TMEM74: variants seen among roughly 807,000 people sequenced by gnomAD.
TMEM74 encodes transmembrane protein 74.
TMEM74 carries 13 observed loss-of-function variants against 18.1 expected under a neutral mutation model. The ratio of observed to expected loss-of-function variants is 0.72; its 90% CI spans 0.47 to 1.14. TMEM74 has a LOEUF of 1.14. Ranked by LOEUF, TMEM74 falls within the 50% of genes most tolerant of loss-of-function variation. The pLI is 0.00. For missense variants in TMEM74, 372 were observed against 375.9 expected (o/e 0.99, Z 0.09); for synonymous variants, 159 against 146.6 (o/e 1.08, Z -0.61).
intron 1 of TMEM74, among the ~76,000 whole-genome samples, chr8:108,744,201 T>TCAGATC (rs1333569658): frequency 6.6e-6 from 1 of 152,158 alleles, no homozygotes; most frequent in Non-Finnish European, 1.5e-5. Context: ...CACTTCAGAT[T>TCAGATC]CAGATCGAGT....
chr8:108,725,055 TTC>T (rs1287778626), intron 1 of TMEM74, among the ~76,000 whole-genome samples: 3 of 152,176 alleles, frequency 2.0e-5, no homozygotes, highest in Non-Finnish European at 4.4e-5. Context: ...CTCTCCTTTC[TTC>T]TCTTAGTTCA....
chr8:108,732,831 T>C (rs1452296243), intron 1 of TMEM74, among the ~76,000 whole-genome samples: 2 of 151,296 alleles, frequency 1.3e-5, no homozygotes, highest in Admixed American at 1.3e-4. Flanking sequence ...CTAGAATACA[T>C]AAGAAGGAAT....
At chr8:108,666,851 T>G (rs1812954002) in intron 1 of TMEM74, among the ~76,000 whole-genome samples, 1 of 152,142 alleles carries the variant, frequency 6.6e-6, no homozygotes, top group Non-Finnish European at 1.5e-5. Flanking sequence ...GCATTATAAA[T>G]AATTCAGCCC....
chr8:108,737,745 T>A (rs1435463935), intron 1 of TMEM74, among the ~76,000 whole-genome samples: 1 of 152,082 alleles, frequency 6.6e-6, no homozygotes, highest in African/African-American at 2.4e-5. Flanking sequence ...AAAAATTCAG[T>A]AGAGGAGGAA....
At chr8:108,679,056 G>A (rs1436357109) in intron 1 of TMEM74, among the ~76,000 whole-genome samples, 2 of 151,990 alleles carry the variant, frequency 1.3e-5, no homozygotes, top group Non-Finnish European at 2.9e-5. Flanking sequence ...TTTCATCCAT[G>A]TCCCTACAAA....
chr8:108,733,370 G>A (rs1222140544), intron 1 of TMEM74, among the ~76,000 whole-genome samples: 1 of 152,134 alleles, frequency 6.6e-6, no homozygotes, highest in Non-Finnish European at 1.5e-5. Context: ...AAAACACGAT[G>A]TTGAGTAAGA....
intron 2 of TMEM74, among the ~76,000 whole-genome samples, chr8:108,625,781 G>A (rs183520574): frequency 6.6e-6 from 1 of 151,928 alleles, no homozygotes; most frequent in East Asian, 1.9e-4. Flanking sequence ...TAACCTGCAA[G>A]CAAGCTTAAT....
rs1004380482 is a variant in TMEM74 at position 108,784,070 on chromosome 8, G to A, written c.*111C>T. On this transcript the variant is annotated 3_prime_UTR_variant, in exon 2 of 2. Coordinates refer to ENST00000297459, the MANE Select transcript of TMEM74 (RefSeq NM_153015.3). ...AAACACTTACTGGCTGTTGGTTTGT[G>A]AAATAAACTTTTCTTGCCAGGCAAA... The A allele has an allele frequency of 1.0e-6, 1 of 969,694 alleles. No individual in the cohort carries two copies. The highest frequency in any genetic ancestry group is 1.5e-6 in the Non-Finnish European group (1 of 665,888). The allele number at this position is 969,694 out of a possible 1,614,324, so 60.1% of individuals were successfully genotyped here.
intron 1 of TMEM74, among the ~76,000 whole-genome samples, chr8:108,691,318 G>A (rs1390843453): frequency 1.3e-5 from 2 of 152,164 alleles, no homozygotes; most frequent in Non-Finnish European, 2.9e-5. Flanking sequence ...CACCTAAACC[G>A]GGAGCTTGTG....
At chr8:108,723,889 T>C (rs1200918540) in intron 1 of TMEM74, among the ~76,000 whole-genome samples, 1 of 152,228 alleles carries the variant, frequency 6.6e-6, no homozygotes, top group Non-Finnish European at 1.5e-5. Context: ...CAATTATAGA[T>C]GAACTGTTTT....
intron 1 of TMEM74, among the ~76,000 whole-genome samples, chr8:108,770,152 C>A (rs977370468): frequency 2.6e-5 from 4 of 152,028 alleles, no homozygotes; most frequent in Non-Finnish European, 5.9e-5. Context: ...TCATGGACAG[C>A]CTTTGTGAAT....
intron 1 of TMEM74, among the ~76,000 whole-genome samples, chr8:108,703,246 A>C (rs1813354749): frequency 6.6e-6 from 1 of 152,166 alleles, no homozygotes; most frequent in Admixed American, 6.5e-5. Context: ...CCAAATTATC[A>C]TCTTCACTAC....
chr8:108,644,248 G>A (rs1423703036), intron 2 of TMEM74, among the ~76,000 whole-genome samples: 2 of 152,072 alleles, frequency 1.3e-5, no homozygotes, highest in Non-Finnish European at 2.9e-5. Flanking sequence ...AACAAGCAAT[G>A]GGAAAATGAT....
Position 108,784,479 on chromosome 8 carries a change from T to A in TMEM74, c.620A>T (p.Asn207Ile). The A allele has an allele frequency of 5.0e-6, 8 of 1,614,148 alleles. No homozygotes were observed. The highest frequency in any genetic ancestry group is 6.8e-6 in the Non-Finnish European group (8 of 1,180,032). The change falls in exon 2 of 2, where the codon AAC becomes ATC. Residue 207 changes from asparagine to isoleucine, a missense_variant. Asn to Ile is a moderately radical substitution (Grantham distance 149). Coordinates refer to ENST00000297459, the MANE Select transcript of TMEM74 (RefSeq NM_153015.3). ...IVPREVTVDP[N>I]TVAAREMERL... ...CTCCATCTCCCGGGCTGCCACAGTG[T>A]TGGGGTCCACAGTCACTTCCCGTGG...
At chr8:108,696,881 A>G (rs1453054624) in intron 1 of TMEM74, among the ~76,000 whole-genome samples, 2 of 152,314 alleles carry the variant, frequency 1.3e-5, no homozygotes, top group East Asian at 1.9e-4. Flanking sequence ...TTTCATTACT[A>G]TACGTTGTGA....
chr8:108,754,972 T>C (rs1813942734), intron 1 of TMEM74, among the ~76,000 whole-genome samples: 1 of 151,990 alleles, frequency 6.6e-6, no homozygotes, highest in Non-Finnish European at 1.5e-5. Context: ...CCACTCCTAT[T>C]TGGGAGGGCT....
At chr8:108,753,520 T>C (rs1254141706) in intron 1 of TMEM74, among the ~76,000 whole-genome samples, 1 of 152,128 alleles carries the variant, frequency 6.6e-6, no homozygotes, top group Non-Finnish European at 1.5e-5. Flanking sequence ...CTTTAGGTGT[T>C]TCTTATTTGA....
chr8:108,662,362 A>AGG (rs1812908844), intron 1 of TMEM74, among the ~76,000 whole-genome samples: 1 of 152,174 alleles, frequency 6.6e-6, no homozygotes, highest in Admixed American at 6.6e-5. Flanking sequence ...AGATCGAGAC[A>AGG]TTCGTTGAAA....
intron 1 of TMEM74, among the ~76,000 whole-genome samples, chr8:108,667,703 T>G (rs921916678): frequency 6.6e-6 from 1 of 152,156 alleles, no homozygotes; most frequent in African/African-American, 2.4e-5. Context: ...TCATTTCTCC[T>G]TTGTCTGCAT....
Sources: allele counts gnomAD v4.1 joint callset (sites outside exome capture counted in the v4.1 genomes callset), GRCh38; gene constraint gnomAD v4.1.1; transcripts MANE v1.5; gene names NCBI Gene and HGNC (gene_info 2026-07-23, HGNC 2026-07-21).